PALLD: variants seen among roughly 807,000 people sequenced by gnomAD.
PALLD encodes the protein palladin, cytoskeletal associated protein, also known as palladin.
PALLD carries 61 observed loss-of-function variants against 123.5 expected under a neutral mutation model. The ratio of observed to expected loss-of-function variants is 0.49; its 90% CI spans 0.40 to 0.61. PALLD has a LOEUF of 0.61. Ranked by LOEUF, PALLD falls within the 20% of genes least tolerant of loss-of-function variation. The pLI is 0.00. For synonymous variants in PALLD, 465 were observed against 496.4 expected, an observed-to-expected ratio of 0.94 and a Z score of 0.84; for missense variants, 1,273 against 1,377.0, an observed-to-expected ratio of 0.92 and a Z score of 1.20.
intron 8 of PALLD, among the ~76,000 whole-genome samples, chr4:168,705,987 C>A (rs1387619147): frequency 1.3e-5 from 2 of 152,106 alleles, no homozygotes; most frequent in Non-Finnish European, 2.9e-5. Context: ...GATTTCATTG[C>A]CCTTTACTTT....
intron 3 of PALLD, among the ~76,000 whole-genome samples, chr4:168,669,635 G>A (rs1003470016): frequency 2.6e-5 from 4 of 152,030 alleles, no homozygotes; most frequent in Non-Finnish European, 4.4e-5. Context: ...AAAAAGTAAC[G>A]ATTACTGATG....
intron 10 of PALLD, chr4:168,877,820 T>A: frequency 7.8e-7 from 1 of 1,281,470 alleles, no homozygotes; most frequent in Non-Finnish European, 9.8e-7. Flanking sequence ...CGCGCCGCCC[T>A]CGCCCCCCTT....
intron 10 of PALLD, among the ~76,000 whole-genome samples, chr4:168,782,771 T>C (rs1383153650): frequency 6.6e-6 from 1 of 151,968 alleles, no homozygotes; most frequent in Non-Finnish European, 1.5e-5. Context: ...AAAAATTAGC[T>C]TGGCATGATG....
At chr4:168,513,048 C>T (rs926271589) in intron 2 of PALLD, among the ~76,000 whole-genome samples, 2 of 147,790 alleles carry the variant, frequency 1.4e-5, no homozygotes, top group East Asian at 3.9e-4. Flanking sequence ...CACGTATCCC[C>T]GAATGTAAAA....
At chr4:168,789,961 T>C in intron 10 of PALLD, among the ~76,000 whole-genome samples, 1 of 152,066 alleles carries the variant, frequency 6.6e-6, no homozygotes. Flanking sequence ...TTTTGAAATA[T>C]GCAAATTTAA....
chr4:168,870,187 A>T (rs1750891119), intron 10 of PALLD, among the ~76,000 whole-genome samples: 2 of 152,220 alleles, frequency 1.3e-5, no homozygotes, highest in Non-Finnish European at 1.5e-5. Flanking sequence ...TTGGCCACTT[A>T]CCACTGAAAT....
At position 168,926,452 on chromosome 4, in the gene PALLD, A is replaced by G; in HGVS notation, c.*272A>G. On this transcript the variant is annotated 3_prime_UTR_variant, in exon 22 of 22. Transcript: ENST00000505667. Reference sequence around the variant, plus strand: ...GCCTTGACCAACATATTCCTTTGTCACATTATGTAAAAGGCAGAAACATAC... The same window carrying G: ...GCCTTGACCAACATATTCCTTTGTCGCATTATGTAAAAGGCAGAAACATAC... The G allele has an allele frequency of 1.7e-6, 2 of 1,155,318 alleles. No homozygotes were observed. Among genetic ancestry groups the G allele is most frequent in the Non-Finnish European group, 2.5e-6 (2 of 805,800 alleles). The allele number at this position is 1,155,318 out of a possible 1,614,324, so 71.6% of individuals were successfully genotyped here. A position where few individuals can be genotyped will look rare whatever the true frequency, so the allele number is the denominator to read the frequency against.
intron 2 of PALLD, among the ~76,000 whole-genome samples, chr4:168,620,034 T>C (rs911889242): frequency 6.6e-6 from 1 of 152,206 alleles, no homozygotes; most frequent in Non-Finnish European, 1.5e-5. Flanking sequence ...ACGCACAACC[T>C]GCTGACATGG....
intron 10 of PALLD, among the ~76,000 whole-genome samples, chr4:168,770,298 T>C (rs1157700571): frequency 6.6e-6 from 1 of 152,198 alleles, no homozygotes; most frequent in Non-Finnish European, 1.5e-5. Context: ...GAAAAGCCTG[T>C]CTCCCTTCAG....
chr4:168,883,008 T>A (rs1329507450), intron 10 of PALLD, among the ~76,000 whole-genome samples: 1 of 151,882 alleles, frequency 6.6e-6, no homozygotes, highest in East Asian at 1.9e-4. Context: ...GGGGAATCGC[T>A]TGAACACAGT....
At chr4:168,921,015 T>C (rs1176291814) in intron 17 of PALLD, among the ~76,000 whole-genome samples, 1 of 152,166 alleles carries the variant, frequency 6.6e-6, no homozygotes, top group Non-Finnish European at 1.5e-5. Context: ...TCTAGGTTGC[T>C]CTGTAAGAAT....
chr4:168,911,005 C>CA lies in PALLD; in HGVS notation c.2623-2921dup, dbSNP rs1758833688. Among the ~76,000 whole-genome samples the CA allele has an allele frequency of 2.0e-5, 3 of 152,112 alleles. No individual in the cohort carries two copies. The South Asian group carries it at 6.2e-4, about 32-fold the overall frequency. On this transcript the variant is annotated intron_variant, in intron 15 of 21. Transcript: ENST00000505667. ...ATGTCCATGCATAATGTCTCAGACC[C>CA]ATGATAACACAGTACCAGCTATGAG... is the stretch of plus-strand genomic sequence containing the variant.
At chr4:168,640,315 G>GA (rs1242916115) in intron 2 of PALLD, among the ~76,000 whole-genome samples, 3 of 152,054 alleles carry the variant, frequency 2.0e-5, no homozygotes, top group African/African-American at 7.2e-5. Context: ...ACTCATTTGG[G>GA]ACTCTAATCC....
At chr4:168,656,237 AC>A (rs372112391) in intron 2 of PALLD, among the ~76,000 whole-genome samples, 15 of 102,504 alleles carry the variant, frequency 1.5e-4, no homozygotes, top group East Asian at 6.5e-4. Context: ...TCCATTCTCC[AC>A]CCCCCCACCC....
chr4:168,585,573 A>G (rs1770729494), intron 2 of PALLD, among the ~76,000 whole-genome samples: 1 of 132,984 alleles, frequency 7.5e-6, no homozygotes, highest in African/African-American at 3.2e-5. Context: ...CTTAGATAGA[A>G]GAGAAAACAG....
At chr4:168,746,649 A>G (rs1444535612) in intron 10 of PALLD, among the ~76,000 whole-genome samples, 1 of 152,196 alleles carries the variant, frequency 6.6e-6, no homozygotes, top group Non-Finnish European at 1.5e-5. Context: ...GGAAAAAATT[A>G]TGAACCATGG....
intron 8 of PALLD, among the ~76,000 whole-genome samples, chr4:168,693,027 GGAAGGAAACATCTCCCC>G (rs1782774376): frequency 6.6e-6 from 1 of 152,118 alleles, no homozygotes; most frequent in Non-Finnish European, 1.5e-5. Context: ...TGAGGAGGGA[GGAAGGAAACATCTCCCC>G]CGCACCCTGC....
At chr4:168,863,017 G>C (rs1260244633) in intron 10 of PALLD, among the ~76,000 whole-genome samples, 2 of 152,194 alleles carry the variant, frequency 1.3e-5, no homozygotes, top group Non-Finnish European at 2.9e-5. Flanking sequence ...CTTCACCAGA[G>C]CTGGGGCCAG....
chr4:168,925,743 T>C (rs149789968), intron 21 of PALLD, among the ~76,000 whole-genome samples: 12 of 152,292 alleles, frequency 7.9e-5, no homozygotes, highest in Admixed American at 7.2e-4. Flanking sequence ...ATTTTGCCTC[T>C]TCTTGAAATA....
Sources: allele counts gnomAD v4.1 joint callset (sites outside exome capture counted in the v4.1 genomes callset), GRCh38; gene constraint gnomAD v4.1.1; transcripts MANE v1.5; gene names NCBI Gene and HGNC (gene_info 2026-07-23, HGNC 2026-07-21).